Variants in CADM2 observed in about 807,000 individuals in gnomAD.
The protein encoded by CADM2 is cell adhesion molecule 2.
CADM2 carries 12 observed loss-of-function variants against 49.8 expected under a neutral mutation model. That is an observed-to-expected ratio of 0.24 (90% CI 0.15 to 0.39). CADM2 has a LOEUF of 0.39. CADM2 is among the 10% of genes least tolerant of loss of function. CADM2 has a pLI of 1.00. For synonymous variants in CADM2, 214 were observed against 175.4 expected (o/e 1.22, Z -1.74); for missense variants, 378 against 492.3 (o/e 0.77, Z 2.20).
chr3:85,776,535 A>G (rs984175680), intron 2 of CADM2, among the ~76,000 whole-genome samples: 3 of 152,036 alleles, frequency 2.0e-5, no homozygotes, highest in African/African-American at 7.2e-5. Context: ...ATAGAACATC[A>G]TTTAATGTAA....
At chr3:85,694,581 C>T (rs1220740956) in intron 1 of CADM2, among the ~76,000 whole-genome samples, 2 of 152,106 alleles carry the variant, frequency 1.3e-5, no homozygotes, top group Non-Finnish European at 2.9e-5. Context: ...TTAAAATATG[C>T]AATATGAATA....
rs769706048 is a variant in CADM2, at chr3:86,013,140, C to T, written c.970+51493C>T. On this transcript the variant is annotated intron_variant, in intron 8 of 9. Transcript: ENST00000383699. ...CATTTGAACAAACCACGTAAGTAGA[C>T]ACAGAAAACGAATAAAAGAACTGAG... 7.5e-4 allele frequency: 1,002 copies of T among 1,338,036 alleles called. 1 individual carries two copies. Among genetic ancestry groups the T allele is most frequent in the Non-Finnish European group, 9.8e-4 (914 of 934,328 alleles). 82.9% of individuals were successfully genotyped at this position (1,338,036 alleles called of 1,614,324 possible).
intron 1 of CADM2, among the ~76,000 whole-genome samples, chr3:85,196,307 A>G (rs2107735406): frequency 6.6e-6 from 1 of 152,180 alleles, no homozygotes; most frequent in East Asian, 1.9e-4. Context: ...TAACAAAAAT[A>G]AAAATAAATT....
chr3:85,610,701 G>A (rs2063660031), intron 1 of CADM2, among the ~76,000 whole-genome samples: 1 of 151,804 alleles, frequency 6.6e-6, no homozygotes, highest in African/African-American at 2.4e-5. Context: ...CTTCATTATG[G>A]CAACGTGCAA....
At chr3:85,195,539 C>A (rs2041322777) in intron 1 of CADM2, among the ~76,000 whole-genome samples, 1 of 113,724 alleles carries the variant, frequency 8.8e-6, no homozygotes, top group African/African-American at 3.4e-5. Flanking sequence ...TGAAAACCAG[C>A]AAGACACACA....
At chr3:85,745,343 C>T (rs1476940290) in intron 2 of CADM2, among the ~76,000 whole-genome samples, 1 of 152,060 alleles carries the variant, frequency 6.6e-6, no homozygotes, top group African/African-American at 2.4e-5. Flanking sequence ...TGGTATTTTC[C>T]TGACTGTGTG....
intron 7 of CADM2, among the ~76,000 whole-genome samples, chr3:85,944,482 C>A (rs747253251): frequency 6.6e-6 from 1 of 152,076 alleles, no homozygotes; most frequent in Non-Finnish European, 1.5e-5. Context: ...CTTTTCAGCA[C>A]CACAGCACAC....
chr3:85,222,325 G>C (rs184118742), intron 1 of CADM2, among the ~76,000 whole-genome samples: 1 of 152,128 alleles, frequency 6.6e-6, no homozygotes, highest in East Asian at 1.9e-4. Flanking sequence ...AACATGGCAG[G>C]AGTATTAAGA....
intron 6 of CADM2, among the ~76,000 whole-genome samples, chr3:85,915,627 C>T (rs775717366): frequency 6.6e-6 from 1 of 151,976 alleles, no homozygotes; most frequent in Non-Finnish European, 1.5e-5. Context: ...CACTTAGATC[C>T]ACATGTGCAA....
intron 1 of CADM2, among the ~76,000 whole-genome samples, chr3:85,343,564 A>G (rs2030188444): frequency 1.3e-5 from 2 of 152,322 alleles, no homozygotes; most frequent in South Asian, 4.1e-4. Context: ...AATGGAGTAA[A>G]TAAATCATCC....
chr3:85,024,713 G>A (rs1187775409), intron 1 of CADM2, among the ~76,000 whole-genome samples: 3 of 150,196 alleles, frequency 2.0e-5, no homozygotes, highest in African/African-American at 7.3e-5. Context: ...CTGAAAATAC[G>A]TTAATTAATT....
intron 8 of CADM2, among the ~76,000 whole-genome samples, chr3:85,990,042 A>AAAAAAAAGAAG (rs1436572625): frequency 9.3e-6 from 1 of 108,000 alleles, no homozygotes; most frequent in Non-Finnish European, 2.0e-5. Flanking sequence ...AAAAAAAAAA[A>AAAAAAAAGAAG]AAGAAGACTA....
intron 1 of CADM2, among the ~76,000 whole-genome samples, chr3:85,362,432 G>A (rs535901863): frequency 8.5e-5 from 13 of 152,188 alleles, no homozygotes; most frequent in South Asian, 2.1e-4. Flanking sequence ...CATTTGAAGC[G>A]TATAAAATTA....
At chr3:85,512,854 T>TA (rs1393183342) in intron 1 of CADM2, among the ~76,000 whole-genome samples, 10 of 152,134 alleles carry the variant, frequency 6.6e-5, no homozygotes, top group Non-Finnish European at 8.8e-5. Context: ...AACTTCTCTG[T>TA]AAAAAATGAA....
chr3:85,310,470 A>G (rs1454209577), intron 1 of CADM2, among the ~76,000 whole-genome samples: 2 of 152,162 alleles, frequency 1.3e-5, no homozygotes, highest in African/African-American at 2.4e-5. Flanking sequence ...ACCTATTGTC[A>G]TACTCAAGAT....
At chr3:85,946,921 G>A (rs891341957) in intron 7 of CADM2, among the ~76,000 whole-genome samples, 1 of 149,870 alleles carries the variant, frequency 6.7e-6, no homozygotes, top group African/African-American at 2.4e-5. Flanking sequence ...AAAAGCAATA[G>A]CAGCAAAAGC....
chr3:85,997,954 A>AT (rs1337714365), intron 8 of CADM2, among the ~76,000 whole-genome samples: 1 of 152,136 alleles, frequency 6.6e-6, no homozygotes, highest in Non-Finnish European at 1.5e-5. Context: ...TCATTCTGTA[A>AT]TTTTTTTGAA....
intron 7 of CADM2, among the ~76,000 whole-genome samples, chr3:85,936,207 A>G (rs1354377484): frequency 1.3e-5 from 2 of 151,852 alleles, no homozygotes; most frequent in African/African-American, 2.4e-5. Context: ...CTTAGAAAAT[A>G]TTGAAGCATC....
intron 8 of CADM2, chr3:86,013,983 G>A: frequency 6.8e-7 from 1 of 1,475,078 alleles, no homozygotes; most frequent in Non-Finnish European, 9.2e-7. Flanking sequence ...TGTTGCATTA[G>A]GAACAATTGA....
Sources: allele counts gnomAD v4.1 joint callset (sites outside exome capture counted in the v4.1 genomes callset), GRCh38; gene constraint gnomAD v4.1.1; transcripts MANE v1.5; gene names NCBI Gene and HGNC (gene_info 2026-07-23, HGNC 2026-07-21).